The following SF3A3 variants were observed in gnomAD, a reference collection of about 807,000 sequenced individuals.
SF3A3 encodes the protein SAP 61.
Under a neutral mutation model 85.8 loss-of-function variants are expected in SF3A3, and 9 were observed. The observed-to-expected ratio is 0.10, with a 90% CI of 0.06 to 0.18. The LOEUF is 0.18. Among genes scored for constraint, SF3A3 ranks in the 10% least tolerant of loss-of-function variants. The pLI, the probability that SF3A3 is intolerant of heterozygous loss-of-function variation, is 1.00. For missense variants in SF3A3, 306 were observed against 593.3 expected (o/e 0.52, Z 5.03); for synonymous variants, 195 against 204.4 (o/e 0.95, Z 0.39).
rs771447218 is a variant in SF3A3, at chr1:37,963,872, TA to T, written c.1373-3698del. Among the ~76,000 whole-genome samples, 129 of 81,816 alleles carry T rather than the reference TA, an allele frequency of 1.6e-3. 1 individual carries two copies. The highest frequency in any genetic ancestry group is 2.4e-3 in the Admixed American group (17 of 7,204). 53.7% of individuals were successfully genotyped at this position (81,816 alleles called of 152,430 possible). Reference sequence around the variant, plus strand: ...CGCCTGGCCCTGCCAATGATATTCTTAAAAAAAAAAAAAAAAAAAAAAATTA... The same window carrying T: ...CGCCTGGCCCTGCCAATGATATTCTTAAAAAAAAAAAAAAAAAAAAAATTA... On this transcript the variant is annotated intron_variant, in intron 15 of 16. Transcript: ENST00000373019.
chr1:37,968,229 T>C (rs1646316053), intron 14 of SF3A3, 95 bp from the exon 15 acceptor site: 5 of 751,314 alleles, frequency 6.7e-6, no homozygotes, highest in South Asian at 5.9e-5. Flanking sequence ...AACATGGCCC[T>C]TTGCAAGACT....
chr1:37,988,857 T>TTGTGTGTGTGTGTG (rs547811229), intron 2 of SF3A3, among the ~76,000 whole-genome samples: 23 of 146,762 alleles, frequency 1.6e-4, no homozygotes, highest in African/African-American at 5.7e-4. Flanking sequence ...ACGGGGTGTG[T>TTGTGTGTGTGTGTG]TGTGTGTGTG....
At chr1:37,982,711 TA>T (rs1646428134) in intron 6 of SF3A3, among the ~76,000 whole-genome samples, 1 of 152,072 alleles carries the variant, frequency 6.6e-6, no homozygotes, top group Admixed American at 6.5e-5. Flanking sequence ...GAAAAGACAT[TA>T]AATACCTTTT....
intron 9 of SF3A3, 111 bp downstream of exon 9, chr1:37,979,354 C>A: frequency 1.2e-6 from 1 of 843,376 alleles, no homozygotes; most frequent in East Asian, 2.5e-5. Context: ...TGCTTGATCT[C>A]AAGAAATAGT....
chr1:37,957,133 A>G lies in SF3A3; in HGVS notation c.*1053T>C, dbSNP rs1369984083. 1 of 152,066 alleles carries G rather than the reference A, an allele frequency of 6.6e-6. No individual in the cohort carries two copies. The highest frequency in any genetic ancestry group is 1.5e-5 in the Non-Finnish European group (1 of 68,054). The allele number at this position is 152,066 out of a possible 1,614,324, so 9.4% of individuals were successfully genotyped here. ...CTTCCTGGTTGCCTTAGTTCTTTCC[A>G]TTTCAGACACCACATTTGGATCCTG... On this transcript the variant is annotated 3_prime_UTR_variant, in exon 17 of 17. Coordinates refer to ENST00000373019, the MANE Select transcript of SF3A3 (RefSeq NM_006802.4).
At chr1:37,987,264 A>C (rs373597751) in intron 4 of SF3A3, among the ~76,000 whole-genome samples, 6 of 152,112 alleles carry the variant, frequency 3.9e-5, no homozygotes, top group Non-Finnish European at 5.9e-5. Flanking sequence ...TTTTTAGTAG[A>C]GGTTGAGTTT....
intron 4 of SF3A3, among the ~76,000 whole-genome samples, chr1:37,985,574 G>A (rs959609405): frequency 6.6e-6 from 1 of 152,192 alleles, no homozygotes; most frequent in African/African-American, 2.4e-5. Flanking sequence ...ATTCATGCCT[G>A]CATAGGTTTT....
chr1:37,974,398 G>A (rs2148720062), intron 12 of SF3A3, among the ~76,000 whole-genome samples: 1 of 146,530 alleles, frequency 6.8e-6, no homozygotes, highest in Admixed American at 7.0e-5. Flanking sequence ...TGCCTCCTGG[G>A]TTCATGCCAT....
At position 37,989,536 on chromosome 1, in the gene SF3A3, C is replaced by G; in HGVS notation, c.144+12G>C. 1 of 1,612,924 alleles carries G rather than the reference C, an allele frequency of 6.2e-7. No individual in the cohort carries two copies. Among genetic ancestry groups the G allele is most frequent in the Non-Finnish European group, 8.5e-7 (1 of 1,179,664 alleles). ...CGCCAACCCAAAGAGAGGCAGACAG[C>G]TGGGCACTCACATCTTGCATGGCCC... is the stretch of plus-strand genomic sequence containing the variant. On this transcript the variant is annotated intron_variant, in intron 2 of 16. Coordinates refer to ENST00000373019, the MANE Select transcript of SF3A3 (RefSeq NM_006802.4).
intron 2 of SF3A3, among the ~76,000 whole-genome samples, chr1:37,988,556 C>G (rs752741811): frequency 6.6e-6 from 1 of 152,016 alleles, no homozygotes; most frequent in Admixed American, 6.6e-5. Context: ...AATAATCACC[C>G]AAGGGGAAAA....
At chr1:37,986,103 CA>C (rs1219650098) in intron 4 of SF3A3, among the ~76,000 whole-genome samples, 1 of 152,074 alleles carries the variant, frequency 6.6e-6, no homozygotes, top group African/African-American at 2.4e-5. Flanking sequence ...CGTGCACCAC[CA>C]TGCCCGGCTA....
At chr1:37,963,059 G>C (rs1471089583) in intron 15 of SF3A3, among the ~76,000 whole-genome samples, 1 of 150,382 alleles carries the variant, frequency 6.6e-6, no homozygotes, top group African/African-American at 2.5e-5. Flanking sequence ...CTGCACTCTA[G>C]CCTGAGCAAC....
chr1:37,984,409 T>C (rs1034439779), intron 5 of SF3A3, 149 bp from the exon 6 acceptor site: 6 of 619,326 alleles, frequency 9.7e-6, no homozygotes, highest in Non-Finnish European at 1.7e-5. Context: ...TCCAATAAGT[T>C]AAGTGAGATC....
At chr1:37,960,573 A>C (rs1646249725) in intron 15 of SF3A3, 1 of 176,052 alleles carries the variant, frequency 5.7e-6, no homozygotes, top group Non-Finnish European at 1.2e-5. Flanking sequence ...GACATCCAAA[A>C]AAATCATTGT....
chr1:37,978,039 C>A (rs575667536), intron 11 of SF3A3, among the ~76,000 whole-genome samples: 1 of 147,354 alleles, frequency 6.8e-6, no homozygotes, highest in Non-Finnish European at 1.5e-5. Flanking sequence ...AACAAACAAA[C>A]AAAAAAAACA....
intron 4 of SF3A3, among the ~76,000 whole-genome samples, chr1:37,986,163 G>A (rs191660451): frequency 1.2e-3 from 177 of 152,092 alleles, no homozygotes; most frequent in African/African-American, 4.1e-3. Context: ...GGCCAGGCTG[G>A]TCTCCAACTC....
chr1:37,969,290 C>A (rs1309621360), intron 14 of SF3A3, 64 bp downstream of exon 14: 4 of 1,257,532 alleles, frequency 3.2e-6, no homozygotes, highest in Non-Finnish European at 4.7e-6. Flanking sequence ...TGCTCCTACT[C>A]TTTTCTCTAA....
rs545052280 is a variant in SF3A3, at chr1:37,979,686, T to C, written c.691-153A>G. ...GGCAGGGAAACATGGTGAAATCTTG[T>C]CTCTACAAAAAATTATCTGAATTAG... On this transcript the variant is annotated intron_variant, in intron 8 of 16. Transcript: ENST00000373019. Among the ~76,000 whole-genome samples the C allele has an allele frequency of 2.6e-5, 4 of 152,220 alleles. No individual in the cohort carries two copies. The East Asian group carries it at 5.8e-4, about 22-fold the overall frequency.
intron 15 of SF3A3, among the ~76,000 whole-genome samples, chr1:37,963,872 TAAAAAA>T (rs771447218): frequency 1.2e-5 from 1 of 81,832 alleles, no homozygotes; most frequent in Non-Finnish European, 2.1e-5. Context: ...ATGATATTCT[TAAAAAA>T]AAAAAAAAAA....
Sources: gnomAD v4.1 joint callset for allele counts (sites outside exome capture counted in the v4.1 genomes callset) on GRCh38, gnomAD v4.1.1 for gene constraint, MANE v1.5 for transcripts, NCBI Gene and HGNC (gene_info 2026-07-23, HGNC 2026-07-21) for gene names.